Variants in NCAM2 observed in about 807,000 individuals in gnomAD.
The protein encoded by NCAM2 is neural cell adhesion molecule 2, also known as N-CAM-2.
A neutral mutation model predicts 98.1 loss-of-function variants in NCAM2; 30 were observed. The observed-to-expected ratio is 0.31, with a 90% confidence interval of 0.23 to 0.41. The LOEUF (loss-of-function observed/expected upper bound fraction) is 0.41. NCAM2 is among the 10% of genes least tolerant of loss of function. The pLI, the probability that NCAM2 is intolerant of heterozygous loss-of-function variation, is 1.00. For missense variants in NCAM2, 867 were observed against 1,005.8 expected (o/e 0.86, Z 1.87); for synonymous variants, 368 against 342.4 (o/e 1.07, Z -0.83).
chr21:21,292,583 T>G (rs2073337328), intron 5 of NCAM2, among the ~76,000 whole-genome samples: 2 of 151,992 alleles, frequency 1.3e-5, no homozygotes, highest in Non-Finnish European at 2.9e-5. Flanking sequence ...TTATTTTTGC[T>G]TAAATTTACA....
intron 1 of NCAM2, among the ~76,000 whole-genome samples, chr21:21,023,295 G>A (rs1223460580): frequency 1.3e-5 from 2 of 152,094 alleles, no homozygotes; most frequent in African/African-American, 4.8e-5. Context: ...AGGCCGAGGT[G>A]GACAGATCAC....
At chr21:21,326,267 A>T (rs2074508691) in intron 6 of NCAM2, among the ~76,000 whole-genome samples, 1 of 152,196 alleles carries the variant, frequency 6.6e-6, no homozygotes, top group Non-Finnish European at 1.5e-5. Flanking sequence ...CTTGATCACA[A>T]TGATTCCAAG....
intron 5 of NCAM2, among the ~76,000 whole-genome samples, chr21:21,314,423 G>A (rs2074154566): frequency 6.6e-6 from 1 of 151,898 alleles, no homozygotes; most frequent in Admixed American, 6.6e-5. Flanking sequence ...TATATTTTTG[G>A]TTTTTAGAAG....
intron 9 of NCAM2, among the ~76,000 whole-genome samples, chr21:21,395,199 G>A (rs2145845565): frequency 6.6e-6 from 1 of 152,240 alleles, no homozygotes; most frequent in Non-Finnish European, 1.5e-5. Context: ...GCTGGGCCTG[G>A]TGGCGCATGC....
chr21:21,378,863 G>A (rs1324187930), intron 9 of NCAM2, among the ~76,000 whole-genome samples: 4 of 151,928 alleles, frequency 2.6e-5, no homozygotes, highest in South Asian at 2.1e-4. Flanking sequence ...ATTTTTGTTT[G>A]ATTTCTTCAG....
intron 8 of NCAM2, among the ~76,000 whole-genome samples, chr21:21,361,249 T>C (rs232493): frequency 0.36 from 54,383 of 151,746 alleles, 9,940 homozygotes; most frequent in East Asian, 0.58. Context: ...CACAAACACA[T>C]ACACATCCTT....
rs1475902652 is a variant in NCAM2 at position 21,541,460 on chromosome 21, ATCTGT to A, written c.*3509_*3513del. 3.3e-5 allele frequency: 5 copies of A among 151,642 alleles called. No homozygotes were observed. The highest frequency in any genetic ancestry group is 5.9e-5 in the Non-Finnish European group (4 of 67,710). The allele number at this position is 151,642 out of a possible 1,614,324, so 9.4% of individuals were successfully genotyped here. A position where few individuals can be genotyped will look rare whatever the true frequency, so the allele number is the denominator to read the frequency against. On this transcript the variant is annotated 3_prime_UTR_variant, in exon 18 of 18. Transcript: ENST00000400546. ...TATACACACACATGAAATATTCTTA[ATCTGT>A]TCTGTATTGTTTTTCTAAACAATAA... is the stretch of plus-strand genomic sequence containing the variant.
At chr21:21,488,515 C>T in intron 15 of NCAM2, among the ~76,000 whole-genome samples, 1 of 151,670 alleles carries the variant, frequency 6.6e-6, no homozygotes, top group Middle Eastern at 3.3e-3. Context: ...GGTATATTTA[C>T]CCTGATAATG....
At chr21:21,317,096 A>G (rs1459466912) in intron 5 of NCAM2, among the ~76,000 whole-genome samples, 2 of 152,138 alleles carry the variant, frequency 1.3e-5, no homozygotes, top group African/African-American at 4.8e-5. Flanking sequence ...CTGCCCTTCT[A>G]CCTTCTGAGA....
chr21:21,130,829 A>T (rs554507888), intron 1 of NCAM2, among the ~76,000 whole-genome samples: 3 of 152,198 alleles, frequency 2.0e-5, no homozygotes, highest in Non-Finnish European at 4.4e-5. Context: ...GGCAAAACAT[A>T]TGTCCAAAAA....
chr21:21,230,188 T>C (rs1479287967), intron 1 of NCAM2, among the ~76,000 whole-genome samples: 12 of 151,146 alleles, frequency 7.9e-5, no homozygotes, highest in Admixed American at 7.9e-4. Context: ...ATACAGAAAA[T>C]ATTTAATTTT....
chr21:21,450,396 T>C (rs1980854837), intron 12 of NCAM2, among the ~76,000 whole-genome samples: 1 of 144,142 alleles, frequency 6.9e-6, no homozygotes, highest in Admixed American at 7.2e-5. Flanking sequence ...CAGGCTGGGG[T>C]ACAGTGGCAC....
At chr21:21,088,768 G>A (rs973438873) in intron 1 of NCAM2, among the ~76,000 whole-genome samples, 2 of 152,174 alleles carry the variant, frequency 1.3e-5, no homozygotes, top group South Asian at 2.1e-4. Flanking sequence ...CGAGGCAGGC[G>A]GATCACGAGG....
intron 8 of NCAM2, among the ~76,000 whole-genome samples, chr21:21,343,355 A>G (rs1448115799): frequency 1.1e-4 from 10 of 91,160 alleles, no homozygotes; most frequent in South Asian, 3.2e-4. Flanking sequence ...CTATCTATAC[A>G]CATACACACA....
chr21:21,036,410 A>G (rs2064797642), intron 1 of NCAM2, among the ~76,000 whole-genome samples: 1 of 152,144 alleles, frequency 6.6e-6, no homozygotes, highest in Non-Finnish European at 1.5e-5. Flanking sequence ...ATATTTTCTT[A>G]TCTCTTATGA....
At chr21:21,070,546 GTATT>G (rs2065540904) in intron 1 of NCAM2, among the ~76,000 whole-genome samples, 1 of 152,006 alleles carries the variant, frequency 6.6e-6, no homozygotes, top group South Asian at 2.1e-4. Context: ...GAAAACATGA[GTATT>G]TATTTAAAGT....
intron 9 of NCAM2, among the ~76,000 whole-genome samples, chr21:21,405,713 A>C (rs1417114043): frequency 2.0e-5 from 3 of 152,112 alleles, no homozygotes; most frequent in Non-Finnish European, 4.4e-5. Flanking sequence ...TAGGGAGACA[A>C]TTTTGAAATT....
chr21:21,371,461 T>C (rs2075913007), intron 8 of NCAM2, among the ~76,000 whole-genome samples: 1 of 151,822 alleles, frequency 6.6e-6, no homozygotes, highest in Non-Finnish European at 1.5e-5. Context: ...TGTATCTGCA[T>C]TGATCTTGCA....
intron 15 of NCAM2, among the ~76,000 whole-genome samples, chr21:21,479,608 A>AAAAAAAAAAAAAAAAATT (rs1491473437): frequency 7.8e-6 from 1 of 127,998 alleles, no homozygotes; most frequent in Non-Finnish European, 1.8e-5. Flanking sequence ...AAAAAAAAAA[A>AAAAAAAAAAAAAAAAATT]TTGTTGATGA....
Sources: gnomAD v4.1 joint callset for allele counts (sites outside exome capture counted in the v4.1 genomes callset) on GRCh38, gnomAD v4.1.1 for gene constraint, MANE v1.5 for transcripts, NCBI Gene and HGNC (gene_info 2026-07-23, HGNC 2026-07-21) for gene names.